The following OPCML variants were observed in gnomAD, a reference collection of about 807,000 sequenced individuals.
OPCML encodes the protein opioid binding protein/cell adhesion molecule like.
Under a neutral mutation model 37.8 loss-of-function variants are expected in OPCML, and 13 were observed. The observed-to-expected ratio is 0.34, with a 90% CI of 0.22 to 0.55. The LOEUF is 0.55. OPCML is among the 20% of genes least tolerant of loss of function. The pLI, the probability that OPCML is intolerant of heterozygous loss-of-function variation, is 0.91. For synonymous variants in OPCML, 176 were observed against 168.8 expected (o/e 1.04, Z -0.33); for missense variants, 341 against 435.6 (o/e 0.78, Z 1.93).
Position 133,135,643 on chromosome 11 carries a change from A to C in OPCML, c.62-192633T>G, listed in dbSNP as rs112569845. 6.3e-3 allele frequency among the ~76,000 whole-genome samples: 964 copies of C among 152,180 alleles called. 4 individuals are homozygous for C. The highest frequency in any genetic ancestry group is 0.01 in the Non-Finnish European group (704 of 68,016). On this transcript the variant is annotated intron_variant, in intron 1 of 7. Transcript: ENST00000524381. ...TAATATTCTGTGTAATCTCCATAAC[A>C]ATTTAGAGTAGGGCAGAAGACTCCC...
chr11:132,784,834 G>T (rs1162666119), intron 2 of OPCML, among the ~76,000 whole-genome samples: 2 of 152,150 alleles, frequency 1.3e-5, no homozygotes, highest in African/African-American at 2.4e-5. Flanking sequence ...TTTCTACCAT[G>T]ATTGGAAGCT....
At chr11:132,882,853 A>T (rs1943266886) in intron 2 of OPCML, among the ~76,000 whole-genome samples, 1 of 152,220 alleles carries the variant, frequency 6.6e-6, no homozygotes, top group Non-Finnish European at 1.5e-5. Flanking sequence ...TATCCTGCTT[A>T]AATTGGAAGA....
chr11:133,074,193 T>A (rs1003794266), intron 1 of OPCML, among the ~76,000 whole-genome samples: 13 of 152,236 alleles, frequency 8.5e-5, no homozygotes, highest in Admixed American at 6.5e-4. Context: ...CTAGAGCTCA[T>A]TTCAAATGAT....
chr11:133,185,281 A>G (rs1938020495), intron 1 of OPCML, among the ~76,000 whole-genome samples: 1 of 152,226 alleles, frequency 6.6e-6, no homozygotes, highest in Admixed American at 6.5e-5. Context: ...TTATGTTTGT[A>G]TAAGATTATT....
At chr11:133,147,995 G>A (rs12787504) in intron 1 of OPCML, among the ~76,000 whole-genome samples, 25,052 of 152,150 alleles carry the variant, frequency 0.16, 2,311 homozygotes, top group Admixed American at 0.23. Flanking sequence ...GCCATCTGAT[G>A]TTGGGAAGCC....
Position 132,999,971 on chromosome 11 carries a change from T to C in OPCML, c.62-56961A>G, listed in dbSNP as rs550712027. Among the ~76,000 whole-genome samples, 135 of 152,206 alleles carry C rather than the reference T, an allele frequency of 8.9e-4. 3 individuals are homozygous for C. The highest frequency in any genetic ancestry group is 3.1e-4 in the Non-Finnish European group (21 of 68,032). Reference sequence around the variant, plus strand: ...TCAGCCCACCAGACCTGGAAACCCATCTTTCCTGTGTAGACACACCGCTGA... The same window carrying C: ...TCAGCCCACCAGACCTGGAAACCCACCTTTCCTGTGTAGACACACCGCTGA... On this transcript the variant is annotated intron_variant, in intron 1 of 7. Coordinates refer to ENST00000524381, the MANE Select transcript of OPCML (RefSeq NM_001012393.5).
intron 1 of OPCML, among the ~76,000 whole-genome samples, chr11:133,470,485 T>C (rs944330694): frequency 5.9e-5 from 9 of 152,228 alleles, no homozygotes; most frequent in Admixed American, 1.3e-4. Context: ...CTCACACAGC[T>C]GGTCCCAGAC....
intron 1 of OPCML, among the ~76,000 whole-genome samples, chr11:133,426,024 T>C (rs942590042): frequency 1.2e-4 from 19 of 152,208 alleles, no homozygotes; most frequent in African/African-American, 4.6e-4. Context: ...CCTCATATAC[T>C]TTTGTTCTTT....
At chr11:133,031,158 A>T (rs1413745987) in intron 1 of OPCML, among the ~76,000 whole-genome samples, 6 of 152,188 alleles carry the variant, frequency 3.9e-5, no homozygotes, top group Admixed American at 1.3e-4. Flanking sequence ...TCAAGAGATG[A>T]ATGGATAGAT....
intron 3 of OPCML, among the ~76,000 whole-genome samples, chr11:132,597,003 C>T (rs1441756597): frequency 3.3e-5 from 5 of 152,194 alleles, no homozygotes; most frequent in Admixed American, 2.0e-4. Context: ...CCAACCTACT[C>T]CTTCTCTCAT....
intron 1 of OPCML, among the ~76,000 whole-genome samples, chr11:132,969,173 T>G (rs1039973330): frequency 5.9e-5 from 9 of 151,876 alleles, no homozygotes; most frequent in Non-Finnish European, 1.2e-4. Context: ...TACCTTCATT[T>G]TTTAACGTTA....
intron 2 of OPCML, among the ~76,000 whole-genome samples, chr11:132,671,647 G>T (rs1942480826): frequency 2.0e-5 from 3 of 152,152 alleles, no homozygotes. Flanking sequence ...ATGTGGGCAA[G>T]ACACTAAGAA....
At chr11:133,516,145 G>A (rs1241706810) in intron 1 of OPCML, among the ~76,000 whole-genome samples, 1 of 152,282 alleles carries the variant, frequency 6.6e-6, no homozygotes, top group South Asian at 2.1e-4. Flanking sequence ...CCCCGCAGAG[G>A]GAGAGCAAGG....
At chr11:132,638,194 G>C (rs1258052553) in intron 3 of OPCML, among the ~76,000 whole-genome samples, 1 of 88,196 alleles carries the variant, frequency 1.1e-5, no homozygotes, top group Non-Finnish European at 2.7e-5. Flanking sequence ...TATACAGAGA[G>C]AGAGAGAGCA....
In OPCML at chr11:133,007,677, C is replaced by T. The variant is rs1324160090; in HGVS notation, c.62-64667G>A. 3 of 985,366 alleles carry T rather than the reference C, an allele frequency of 3.0e-6. No homozygotes were observed. The South Asian group carries it at 1.4e-4, about 46-fold the overall frequency. The allele number at this position is 985,366 out of a possible 1,614,324, so 61.0% of individuals were successfully genotyped here. The stretch of plus-strand genomic sequence containing the variant: ...GTCTTTTATTGAAATAATAGGCACA[C>T]AGAGAGATGAAGAAATTAAGCCAGA... On this transcript the variant is annotated intron_variant, in intron 1 of 7. Coordinates refer to ENST00000524381, the MANE Select transcript of OPCML (RefSeq NM_001012393.5).
At chr11:133,465,556 T>C (rs1260900341) in intron 1 of OPCML, among the ~76,000 whole-genome samples, 4 of 152,202 alleles carry the variant, frequency 2.6e-5, no homozygotes, top group Admixed American at 6.5e-5. Flanking sequence ...ACAATACACC[T>C]CCTGCCTTTG....
intron 2 of OPCML, among the ~76,000 whole-genome samples, chr11:132,665,636 T>C (rs1289639727): frequency 6.6e-6 from 1 of 152,044 alleles, no homozygotes; most frequent in East Asian, 1.9e-4. Flanking sequence ...GAAACACAAT[T>C]ATAAAAAGTA....
At chr11:133,037,688 C>G (rs555505408) in intron 1 of OPCML, among the ~76,000 whole-genome samples, 19 of 152,310 alleles carry the variant, frequency 1.2e-4, no homozygotes, top group Middle Eastern at 6.8e-3. Context: ...ACCCAGCTGT[C>G]TTTGACTCAT....
At chr11:133,410,255 G>T (rs147243955) in intron 1 of OPCML, among the ~76,000 whole-genome samples, 1 of 152,254 alleles carries the variant, frequency 6.6e-6, no homozygotes, top group African/African-American at 2.4e-5. Context: ...AATAGGTGTT[G>T]GTTGGCATCA....
Sources: allele counts gnomAD v4.1 joint callset (sites outside exome capture counted in the v4.1 genomes callset), GRCh38; gene constraint gnomAD v4.1.1; transcripts MANE v1.5; gene names NCBI Gene and HGNC (gene_info 2026-07-23, HGNC 2026-07-21).